Variants in RGS7 observed in about 807,000 individuals in gnomAD.
The protein encoded by RGS7 is regulator of G protein signaling 7.
Under a neutral mutation model 81.1 loss-of-function variants are expected in RGS7, and 27 were observed. The observed-to-expected ratio is 0.33, with a 90% confidence interval of 0.25 to 0.46. The LOEUF is 0.46. RGS7 is among the 20% of genes least tolerant of loss of function. RGS7 has a pLI of 1.00. For synonymous variants in RGS7, 208 were observed against 207.7 expected, an observed-to-expected ratio of 1.00 and a Z score of -0.01; for missense variants, 396 against 607.4, an observed-to-expected ratio of 0.65 and a Z score of 3.66.
intron 15 of RGS7, among the ~76,000 whole-genome samples, chr1:240,804,461 C>A (rs201806793): frequency 6.6e-6 from 1 of 150,766 alleles, no homozygotes. Context: ...TTAAAAACCA[C>A]AAAAAAAACT....
At chr1:240,998,842 G>T in intron 3 of RGS7, 2 of 539,766 alleles carry the variant, frequency 3.7e-6, no homozygotes, top group Non-Finnish European at 3.5e-6. Context: ...GATGGACCGA[G>T]CACCTTGGTG....
At chr1:240,980,945 G>GT (rs1222445261) in intron 4 of RGS7, among the ~76,000 whole-genome samples, 1 of 152,164 alleles carries the variant, frequency 6.6e-6, no homozygotes. Flanking sequence ...TCCTCAAAGT[G>GT]TTCAGCAAGC....
intron 2 of RGS7, among the ~76,000 whole-genome samples, chr1:241,169,259 T>G (rs1447034222): frequency 6.6e-6 from 1 of 151,684 alleles, no homozygotes; most frequent in African/African-American, 2.4e-5. Flanking sequence ...AAGTTTATCC[T>G]CCTTAAGAAA....
intron 2 of RGS7, among the ~76,000 whole-genome samples, chr1:241,124,231 G>GAA (rs55927322): frequency 0.083 from 11,281 of 135,936 alleles, 547 homozygotes; most frequent in East Asian, 0.22. Context: ...CTCGTCTCTA[G>GAA]AAAAAAAAAA....
chr1:240,806,228 G>A lies in RGS7; in HGVS notation c.1181C>T (p.Pro394Leu). The A allele has an allele frequency of 6.2e-7, 1 of 1,613,888 alleles. No individual in the cohort carries two copies. Among genetic ancestry groups the A allele is most frequent in the Non-Finnish European group, 8.5e-7 (1 of 1,179,886 alleles). ...IWQEFLAPGAPSAINLDSKSY... is the reference protein window; with the variant it reads ...IWQEFLAPGALSAINLDSKSY... ...CTTGGAATCCAAGTTAATAGCACTG[G>A]GGGCTCCGGGAGCCAGAAACTCTTG... Residue 394 changes from proline to leucine, a missense_variant, in exon 15 of 19, where the codon CCC becomes CTC. Physicochemically the swap from Pro to Leu is moderately conservative, Grantham distance 98. Coordinates refer to ENST00000440928, the MANE Select transcript of RGS7 (RefSeq NM_001364886.1).
At chr1:240,910,418 A>C (rs1671557006) in intron 6 of RGS7, among the ~76,000 whole-genome samples, 1 of 152,210 alleles carries the variant, frequency 6.6e-6, no homozygotes, top group Non-Finnish European at 1.5e-5. Context: ...AGTAGAACAG[A>C]GGAAACTAGA....
At chr1:241,131,534 A>T (rs962494188) in intron 2 of RGS7, among the ~76,000 whole-genome samples, 1 of 152,172 alleles carries the variant, frequency 6.6e-6, no homozygotes, top group Non-Finnish European at 1.5e-5. Context: ...TTTGTAGAAG[A>T]CTGGTAAAAA....
chr1:240,959,465 CA>C (rs1475748922), intron 4 of RGS7, among the ~76,000 whole-genome samples: 2 of 149,454 alleles, frequency 1.3e-5, no homozygotes, highest in Non-Finnish European at 3.0e-5. Context: ...ATGGTATTTG[CA>C]TATCTCAACA....
intron 2 of RGS7, among the ~76,000 whole-genome samples, chr1:241,214,422 GT>G (rs1013304264): frequency 3.1e-3 from 461 of 148,820 alleles, no homozygotes; most frequent in African/African-American, 0.01. Flanking sequence ...AATATATAAT[GT>G]TTTTTTTTTC....
At chr1:241,201,218 T>A (rs1170808322) in intron 2 of RGS7, among the ~76,000 whole-genome samples, 1 of 152,198 alleles carries the variant, frequency 6.6e-6, no homozygotes, top group African/African-American at 2.4e-5. Flanking sequence ...TTCATCTGCC[T>A]GAGGGATTTC....
chr1:241,049,393 A>G (rs1281418127), intron 3 of RGS7, among the ~76,000 whole-genome samples: 1 of 152,176 alleles, frequency 6.6e-6, no homozygotes, highest in East Asian at 1.9e-4. Flanking sequence ...CAAAAACTTT[A>G]TTTTGTTTGA....
Position 240,856,959 on chromosome 1 carries a change from T to C in RGS7, c.609+11628A>G, listed in dbSNP as rs566874249. On this transcript the variant is annotated intron_variant, in intron 9 of 18. Coordinates refer to ENST00000440928, the MANE Select transcript of RGS7 (RefSeq NM_001364886.1). ...ACAAAGCCAAGCACACTGAGTAAAG[T>C]AGAGAACCAATACATGGGCTTTGTA... 6.6e-5 allele frequency among the ~76,000 whole-genome samples: 10 copies of C among 152,268 alleles called. No individual in the cohort carries two copies. In the East Asian group the frequency reaches 1.9e-3, roughly 29 times the overall value.
At chr1:241,030,007 G>A (rs2059985712) in intron 3 of RGS7, among the ~76,000 whole-genome samples, 2 of 152,086 alleles carry the variant, frequency 1.3e-5, no homozygotes, top group African/African-American at 4.8e-5. Flanking sequence ...AGTCTTTCTA[G>A]AATGACGCAC....
chr1:241,011,899 A>G (rs777926378), intron 3 of RGS7, among the ~76,000 whole-genome samples: 11 of 152,186 alleles, frequency 7.2e-5, no homozygotes, highest in Non-Finnish European at 1.5e-5. Flanking sequence ...AGGTGGATGC[A>G]TTCCTCCCCT....
At chr1:241,293,765 G>A (rs900842322) in intron 2 of RGS7, among the ~76,000 whole-genome samples, 4 of 152,110 alleles carry the variant, frequency 2.6e-5, no homozygotes, top group African/African-American at 9.7e-5. Flanking sequence ...CAGTTAGAAT[G>A]GCCATCATTA....
chr1:241,265,006 C>T (rs564921507), intron 2 of RGS7, among the ~76,000 whole-genome samples: 1 of 152,312 alleles, frequency 6.6e-6, no homozygotes, highest in African/African-American at 2.4e-5. Context: ...CCAGTTTCTG[C>T]TTTTCTCTGA....
chr1:240,811,853 A>T, intron 14 of RGS7, 65 bp downstream of exon 14: 1 of 1,409,220 alleles, frequency 7.1e-7, no homozygotes, highest in East Asian at 2.3e-5. Context: ...TATTACCTCC[A>T]AAATAACCAG....
At chr1:241,258,682 T>C (rs1258550791) in intron 2 of RGS7, among the ~76,000 whole-genome samples, 1 of 152,160 alleles carries the variant, frequency 6.6e-6, no homozygotes, top group African/African-American at 2.4e-5. Flanking sequence ...ACAGACACCC[T>C]TGCAGGTTCT....
intron 3 of RGS7, among the ~76,000 whole-genome samples, chr1:241,086,245 A>G (rs969495486): frequency 3.2e-4 from 49 of 152,338 alleles, no homozygotes; most frequent in African/African-American, 1.2e-3. Context: ...TAGCCAAAAC[A>G]TATCATGCCT....
Sources: allele counts gnomAD v4.1 joint callset (sites outside exome capture counted in the v4.1 genomes callset), GRCh38; gene constraint gnomAD v4.1.1; transcripts MANE v1.5; gene names NCBI Gene and HGNC (gene_info 2026-07-23, HGNC 2026-07-21).